PIGB: variants seen among roughly 807,000 people sequenced by gnomAD.
PIGB encodes phosphatidylinositol glycan anchor biosynthesis class B.
Under a neutral mutation model 68.4 loss-of-function variants are expected in PIGB, and 58 were observed. The ratio of observed to expected loss-of-function variants is 0.85; its 90% CI spans 0.69 to 1.06. The LOEUF is 1.06. Among genes scored for constraint, PIGB ranks in the 50% least tolerant of loss-of-function variants. The pLI is 0.00. For missense variants in PIGB, 634 were observed against 655.8 expected, an observed-to-expected ratio of 0.97 and a Z score of 0.36; for synonymous variants, 219 against 220.5, an observed-to-expected ratio of 0.99 and a Z score of 0.06.
chr15:55,340,905 T>G (rs748141784), intron 8 of PIGB, 82 bp downstream of exon 8: 23 of 941,124 alleles, frequency 2.4e-5, no homozygotes, highest in Non-Finnish European at 3.6e-5. Flanking sequence ...GTAAACTTTA[T>G]GTTTTGGAGG....
chr15:55,320,683 C>G (rs2055143472), intron 2 of PIGB, among the ~76,000 whole-genome samples: 1 of 151,976 alleles, frequency 6.6e-6, no homozygotes, highest in Non-Finnish European at 1.5e-5. Flanking sequence ...TAACACAATA[C>G]TATAATAAAA....
At chr15:55,328,763 C>T (rs560877147) in intron 4 of PIGB, among the ~76,000 whole-genome samples, 1 of 152,206 alleles carries the variant, frequency 6.6e-6, no homozygotes, top group South Asian at 2.1e-4. Flanking sequence ...GTCCGGAGTT[C>T]GAGACCAGCC....
intron 4 of PIGB, among the ~76,000 whole-genome samples, chr15:55,329,141 C>G (rs139649026): frequency 5.7e-4 from 86 of 151,668 alleles, no homozygotes; most frequent in African/African-American, 1.8e-3. Context: ...TAATGGTGCT[C>G]TGTGTGCATG....
At chr15:55,353,316 G>C (rs1408617115) in intron 10 of PIGB, among the ~76,000 whole-genome samples, 1 of 152,146 alleles carries the variant, frequency 6.6e-6, no homozygotes, top group Non-Finnish European at 1.5e-5. Flanking sequence ...GACTAGAGTA[G>C]GCCGGCAGCT....
At chr15:55,353,998 T>TAAAAATAAAAAAAAAAAAAA (rs112479438) in intron 10 of PIGB, among the ~76,000 whole-genome samples, 35 of 112,032 alleles carry the variant, frequency 3.1e-4, no homozygotes, top group African/African-American at 1.5e-3. Flanking sequence ...TCATCTTAAA[T>TAAAAATAAAAAAAAAAAAAA]AAAAAAAAAA....
rs1369744950 is a variant in PIGB at position 55,336,907 on chromosome 15, T to C, written c.795-2360T>C. On this transcript the variant is annotated intron_variant, in intron 6 of 11. Coordinates refer to ENST00000164305, the MANE Select transcript of PIGB (RefSeq NM_004855.5). ...TGGGAGGCTGAGGCAGGAGAAACGA[T>C]TGAACCCCAGAGGTAGACGTTGCAA... is the stretch of plus-strand genomic sequence containing the variant. 2.0e-5 allele frequency among the ~76,000 whole-genome samples: 3 copies of C among 152,164 alleles called. No individual in the cohort carries two copies. In the South Asian group the frequency reaches 6.2e-4, roughly 32 times the overall value.
intron 9 of PIGB, chr15:55,343,589 G>T (rs1204107179): frequency 1.3e-5 from 2 of 152,172 alleles, no homozygotes; most frequent in Non-Finnish European, 2.9e-5. Flanking sequence ...CTCATTGCCA[G>T]TCTAAAAGAT....
chr15:55,333,726 T>G, intron 5 of PIGB, 141 bp from the exon 6 acceptor site: 1 of 564,186 alleles, frequency 1.8e-6, no homozygotes, highest in Admixed American at 3.9e-5. Flanking sequence ...AGTGAGACTC[T>G]GTCTCAAACA....
At chr15:55,351,002 G>T in intron 10 of PIGB, 90 bp downstream of exon 10, 1 of 671,816 alleles carries the variant, frequency 1.5e-6, no homozygotes, top group Non-Finnish European at 2.5e-6. Flanking sequence ...TGAATTAATT[G>T]GTCACTGATC....
chr15:55,321,207 T>TA (rs150311504), intron 2 of PIGB, 66 bp from the exon 3 acceptor site: 145,033 of 1,093,558 alleles, frequency 0.13, 4 homozygotes, highest in Non-Finnish European at 0.14. Flanking sequence ...GACCCCATCT[T>TA]AAAAAAAAAA....
intron 6 of PIGB, among the ~76,000 whole-genome samples, chr15:55,335,064 A>G (rs887806221): frequency 3.9e-5 from 6 of 152,176 alleles, no homozygotes; most frequent in African/African-American, 1.2e-4. Context: ...TTGTGTTGCA[A>G]TTGCTTACAA....
rs578002378 is a variant in PIGB, at chr15:55,332,065, C to T, written c.654-1802C>T. 4.2e-4 allele frequency among the ~76,000 whole-genome samples: 64 copies of T among 152,048 alleles called. 1 individual carries two copies. The South Asian group carries it at 8.7e-3, about 21-fold the overall frequency. Reference sequence around the variant, plus strand: ...CCATCTCGGCCCACTGCAACCTCTGCCTCCTGGGTTCAAGCAATTCTGCTT... The same window carrying T: ...CCATCTCGGCCCACTGCAACCTCTGTCTCCTGGGTTCAAGCAATTCTGCTT... On this transcript the variant is annotated intron_variant, in intron 5 of 11. Coordinates refer to ENST00000164305, the MANE Select transcript of PIGB (RefSeq NM_004855.5).
intron 4 of PIGB, 128 bp from the exon 5 acceptor site, chr15:55,329,596 A>C (rs1425952635): frequency 1.3e-5 from 9 of 710,590 alleles, no homozygotes; most frequent in African/African-American, 3.6e-5. Context: ...ATGCCTACTT[A>C]CTTTAACATC....
chr15:55,325,249 T>G (rs2141167907), intron 3 of PIGB, among the ~76,000 whole-genome samples: 1 of 151,732 alleles, frequency 6.6e-6, no homozygotes, highest in South Asian at 2.1e-4. Context: ...TCGCTTGAAC[T>G]TGGGAGGTGG....
At chr15:55,337,636 G>C (rs2055567450) in intron 6 of PIGB, among the ~76,000 whole-genome samples, 1 of 152,264 alleles carries the variant, frequency 6.6e-6, no homozygotes, top group African/African-American at 2.4e-5. Context: ...GTGCCAAAAA[G>C]GTTAGGGACC....
At chr15:55,322,636 G>T (rs115136731) in intron 3 of PIGB, among the ~76,000 whole-genome samples, 1 of 152,074 alleles carries the variant, frequency 6.6e-6, no homozygotes, top group Non-Finnish European at 1.5e-5. Context: ...AGGTTCTAGG[G>T]TATTTGTTTT....
At chr15:55,335,214 T>G (rs1448736854) in intron 6 of PIGB, among the ~76,000 whole-genome samples, 3 of 152,242 alleles carry the variant, frequency 2.0e-5, no homozygotes, top group Non-Finnish European at 4.4e-5. Flanking sequence ...TGAAACTGCC[T>G]AATGATGCAG....
chr15:55,349,725 C>A (rs2055882015), intron 9 of PIGB: 1 of 152,126 alleles, frequency 6.6e-6, no homozygotes, highest in African/African-American at 2.4e-5. Flanking sequence ...CTGCCTTGGT[C>A]CCATTCAGTA....
At chr15:55,320,240 T>C in intron 1 of PIGB, 35 bp from the exon 2 acceptor site, 10 of 1,596,414 alleles carry the variant, frequency 6.3e-6, no homozygotes, top group Non-Finnish European at 8.5e-6. Flanking sequence ...GCCTGACTTT[T>C]GTGCCACTAT....
Sources: allele counts gnomAD v4.1 joint callset (sites outside exome capture counted in the v4.1 genomes callset), GRCh38; gene constraint gnomAD v4.1.1; transcripts MANE v1.5; gene names NCBI Gene and HGNC (gene_info 2026-07-23, HGNC 2026-07-21).